KCNE1: variants seen among roughly 807,000 people sequenced by gnomAD.
KCNE1 encodes the protein potassium voltage-gated channel subfamily E member 1.
A neutral mutation model predicts 2.9 loss-of-function variants in KCNE1; 1 was observed. The ratio of observed to expected loss-of-function variants is 0.34; its 90% CI spans 0.12 to 1.62. The LOEUF (loss-of-function observed/expected upper bound fraction) is 1.62. KCNE1 is among the 40% of genes most tolerant of loss of function. The pLI is 0.36. For synonymous variants in KCNE1, 23 were observed against 65.4 expected (o/e 0.35, Z 3.13); for missense variants, 45 against 150.5 (o/e 0.30, Z 3.67).
At chr21:34,506,493 C>T (rs1983495466) in intron 2 of KCNE1, among the ~76,000 whole-genome samples, 1 of 151,964 alleles carries the variant, frequency 6.6e-6, no homozygotes, top group African/African-American at 2.4e-5. Context: ...GTGAAATATT[C>T]ATGTGCGTCA....
At chr21:34,505,427 G>A (rs907393110) in intron 2 of KCNE1, among the ~76,000 whole-genome samples, 1 of 151,904 alleles carries the variant, frequency 6.6e-6, no homozygotes, top group Non-Finnish European at 1.5e-5. Flanking sequence ...GAGCCACCAC[G>A]CCTGACCACC....
intron 2 of KCNE1, among the ~76,000 whole-genome samples, chr21:34,497,192 C>T (rs1476925130): frequency 2.6e-5 from 4 of 152,128 alleles, no homozygotes; most frequent in African/African-American, 9.7e-5. Context: ...AGGTACTGTT[C>T]TATTCATTGT....
At chr21:34,502,072 T>A (rs1324868721) in intron 2 of KCNE1, among the ~76,000 whole-genome samples, 1 of 152,204 alleles carries the variant, frequency 6.6e-6, no homozygotes, top group Non-Finnish European at 1.5e-5. Flanking sequence ...ACTGCATTCA[T>A]GCATGCTTTT....
chr21:34,509,383 C>T (rs1390992995), intron 2 of KCNE1: 2 of 152,374 alleles, frequency 1.3e-5, no homozygotes, highest in Admixed American at 6.5e-5. Flanking sequence ...ACCACTGCTC[C>T]CTCCAGTGTC....
At chr21:34,501,898 T>C (rs1037992992) in intron 2 of KCNE1, among the ~76,000 whole-genome samples, 5 of 152,230 alleles carry the variant, frequency 3.3e-5, no homozygotes, top group African/African-American at 1.2e-4. Context: ...CACTCTGGAC[T>C]GTAGTAACAA....
intron 2 of KCNE1, 174 bp downstream of exon 2, chr21:34,510,927 G>C (rs1387671523): frequency 6.4e-6 from 1 of 155,822 alleles, no homozygotes; most frequent in Non-Finnish European, 1.4e-5. Context: ...TGGGAGGGTG[G>C]GGGCAGACGT....
chr21:34,509,969 A>G (rs1983742036), intron 2 of KCNE1: 1 of 152,194 alleles, frequency 6.6e-6, no homozygotes, highest in Admixed American at 6.5e-5. Flanking sequence ...TGATAAACTC[A>G]AAGTCAAACG....
intron 2 of KCNE1, among the ~76,000 whole-genome samples, chr21:34,496,565 T>G (rs1212147228): frequency 6.6e-6 from 1 of 152,206 alleles, no homozygotes; most frequent in South Asian, 2.1e-4. Flanking sequence ...ATTGAGATGT[T>G]TTTTGTGGCC....
intron 2 of KCNE1, among the ~76,000 whole-genome samples, chr21:34,506,011 C>T (rs62211551): frequency 2.0e-5 from 3 of 152,184 alleles, no homozygotes; most frequent in Non-Finnish European, 4.4e-5. Context: ...GAAATTACTT[C>T]GACATCTACT....
chr21:34,505,163 T>C (rs1185139878), intron 2 of KCNE1, among the ~76,000 whole-genome samples: 1 of 152,208 alleles, frequency 6.6e-6, no homozygotes, highest in African/African-American at 2.4e-5. Context: ...AGACAGAGTC[T>C]TGCTCTGTCA....
At chr21:34,509,763 T>G (rs60136659) in intron 2 of KCNE1, 1 of 152,264 alleles carries the variant, frequency 6.6e-6, no homozygotes, top group East Asian at 1.9e-4. Context: ...GGCCCCTTTT[T>G]CAACTTTTAT....
At chr21:34,505,449 T>C (rs1438209575) in intron 2 of KCNE1, among the ~76,000 whole-genome samples, 1 of 152,052 alleles carries the variant, frequency 6.6e-6, no homozygotes, top group Non-Finnish European at 1.5e-5. Context: ...TGATCACCTT[T>C]TTTTTTTTGG....
chr21:34,499,286 A>C (rs1568860430), intron 2 of KCNE1, among the ~76,000 whole-genome samples: 1 of 152,144 alleles, frequency 6.6e-6, no homozygotes, highest in African/African-American at 2.4e-5. Context: ...TATGCTCTGG[A>C]CTCAGACCTT....
At chr21:34,503,117 C>T (rs547698275) in intron 2 of KCNE1, among the ~76,000 whole-genome samples, 1 of 152,326 alleles carries the variant, frequency 6.6e-6, no homozygotes, top group East Asian at 1.9e-4. Flanking sequence ...AGACTCTCCC[C>T]AACCTTGCAC....
In KCNE1 at chr21:34,511,237, G is replaced by T; in HGVS notation, c.-298C>A. On this transcript the variant is annotated 5_prime_UTR_variant, in exon 2 of 4. Coordinates refer to ENST00000399286, the MANE Select transcript of KCNE1 (RefSeq NM_000219.6). ...CTTCTGGTCTCTTCCTCCTGAGCAC[G>T]GTTCTCCTGGTTGAGCTCCAGGCCA... The T allele has an allele frequency of 1.0e-6, 1 of 985,568 alleles. No individual in the cohort carries two copies. The highest frequency in any genetic ancestry group is 1.2e-6 in the Non-Finnish European group (1 of 830,026). 61.1% of individuals were successfully genotyped at this position (985,568 alleles called of 1,614,324 possible). A position where few individuals can be genotyped will look rare whatever the true frequency, so the allele number is the denominator to read the frequency against.
intron 3 of KCNE1, among the ~76,000 whole-genome samples, chr21:34,450,177 C>T (rs1290171950): frequency 1.4e-5 from 1 of 71,942 alleles, no homozygotes; most frequent in African/African-American, 5.4e-5. Context: ...ACTGCTGTGG[C>T]TGCTGACTCC....
intron 2 of KCNE1, among the ~76,000 whole-genome samples, chr21:34,500,350 G>A (rs1983089729): frequency 6.6e-6 from 1 of 152,190 alleles, no homozygotes; most frequent in Admixed American, 6.5e-5. Context: ...TGTTCCCAGA[G>A]AGTATCCAAC....
At chr21:34,503,572 CCTTGGT>C (rs1227713594) in intron 2 of KCNE1, among the ~76,000 whole-genome samples, 1 of 152,196 alleles carries the variant, frequency 6.6e-6, no homozygotes, top group Non-Finnish European at 1.5e-5. Context: ...TCTAATCATG[CCTTGGT>C]CTATGGACGA....
At chr21:34,503,341 G>C (rs767499770) in intron 2 of KCNE1, among the ~76,000 whole-genome samples, 3 of 152,188 alleles carry the variant, frequency 2.0e-5, no homozygotes, top group Non-Finnish European at 4.4e-5. Flanking sequence ...TGAGGTATGT[G>C]GGAAGGGCTG....
Sources: allele counts gnomAD v4.1 joint callset (sites outside exome capture counted in the v4.1 genomes callset), GRCh38; gene constraint gnomAD v4.1.1; transcripts MANE v1.5; gene names NCBI Gene and HGNC (gene_info 2026-07-23, HGNC 2026-07-21).